The following RAPH1 variants were observed in gnomAD, a reference collection of about 807,000 sequenced individuals.
RAPH1 encodes the protein Ras association (RalGDS/AF-6) and pleckstrin homology domains 1.
A neutral mutation model predicts 88.1 loss-of-function variants in RAPH1; 18 were observed. The ratio of observed to expected loss-of-function variants is 0.20; its 90% CI spans 0.14 to 0.30. The LOEUF is 0.30. Ranked by LOEUF, RAPH1 falls within the 10% of genes least tolerant of loss-of-function variation. RAPH1 has a pLI of 1.00. For missense variants in RAPH1, 1,448 were observed against 1,543.2 expected, an observed-to-expected ratio of 0.94 and a Z score of 1.03; for synonymous variants, 587 against 559.0, an observed-to-expected ratio of 1.05 and a Z score of -0.71.
At chr2:203,478,269 C>T (rs749812931) in intron 4 of RAPH1, among the ~76,000 whole-genome samples, 6 of 152,100 alleles carry the variant, frequency 3.9e-5, no homozygotes, top group South Asian at 2.1e-4. Context: ...CTCCTGACCT[C>T]GTGATCCGCC....
chr2:203,461,907 A>G lies in RAPH1; in HGVS notation c.751T>C (p.Leu251=), dbSNP rs762820457. The G allele has an allele frequency of 1.3e-5, 21 of 1,608,900 alleles. No individual in the cohort carries two copies. The highest frequency in any genetic ancestry group is 3.4e-5 in the Admixed American group (2 of 59,336). The change falls in exon 5 of 14, where the codon TTG becomes CTG. Residue 251 remains leucine, a synonymous_variant. Transcript: ENST00000319170. Reference sequence around the variant, plus strand: ...GCAACTCTGATCTTCTCAGCTTTCAATTTTGCTGCCTGTTCTTCCTGTGAA... The same window carrying G: ...GCAACTCTGATCTTCTCAGCTTTCAGTTTTGCTGCCTGTTCTTCCTGTGAA... ...PITEEEQAAK[L]KAEKIRVALE...
chr2:203,508,537 T>C (rs548531074), intron 1 of RAPH1, among the ~76,000 whole-genome samples: 2 of 152,158 alleles, frequency 1.3e-5, no homozygotes, highest in Non-Finnish European at 2.9e-5. Context: ...TATACCCAAA[T>C]CATGCATACT....
intron 1 of RAPH1, among the ~76,000 whole-genome samples, chr2:203,527,715 G>A (rs141424606): frequency 1.1e-3 from 158 of 148,800 alleles, no homozygotes; most frequent in African/African-American, 3.8e-3. Context: ...CAGGAGAATC[G>A]CTTGAACCCG....
rs1228112734 is a variant in RAPH1 at position 203,454,441 on chromosome 2, G to C, written c.1402C>G (p.Leu468Val). 47 of 1,607,670 alleles carry C rather than the reference G, an allele frequency of 2.9e-5. No homozygotes were observed. Among genetic ancestry groups the C allele is most frequent in the Non-Finnish European group, 4.0e-5 (47 of 1,175,140 alleles). The change falls in exon 10 of 14, where the codon CTG becomes GTG. Residue 468 changes from leucine (L) to valine (V), a missense_variant. By Grantham distance (32) the Leu-to-Val change is conservative. Transcript: ENST00000319170. ...AAATATGTGTTTACCTTCAGCACCA[G>C]ACAATAGTCTGTAGGTGCTTTGTAT... ...NKYKAPTDYC[L>V]VLKHPQIQKK...
chr2:203,498,223 T>C (rs1000204160), intron 1 of RAPH1, among the ~76,000 whole-genome samples: 1 of 152,228 alleles, frequency 6.6e-6, no homozygotes, highest in African/African-American at 2.4e-5. Context: ...TATGTCACTA[T>C]TGGCAGAAAC....
chr2:203,495,344 G>C lies in RAPH1; in HGVS notation c.10C>G (p.Leu4Val). MEQ[L>V]SDEEIDHGAE... ...CCATGATCAATTTCTTCATCTGATA[G>C]CTGCTCCATCTGAAATACAGACATT... is the stretch of plus-strand genomic sequence containing the variant. The change falls in exon 2 of 14, where the codon CTA (leucine) becomes GTA (valine). Residue 4 changes from leucine (L) to valine (V), a missense_variant. Leu to Val is a conservative substitution (Grantham distance 32). This residue lies in a region of RAPH1 where 513 missense variants were observed against 653.1 expected (regional missense o/e 0.79). Coordinates refer to ENST00000319170, the MANE Select transcript of RAPH1 (RefSeq NM_213589.3). The C allele has an allele frequency of 6.2e-7, 1 of 1,613,944 alleles. No individual in the cohort carries two copies. Among genetic ancestry groups the C allele is most frequent in the Non-Finnish European group, 8.5e-7 (1 of 1,179,944 alleles).
chr2:203,501,699 C>A (rs1390270310), intron 1 of RAPH1, among the ~76,000 whole-genome samples: 2 of 151,626 alleles, frequency 1.3e-5, no homozygotes, highest in African/African-American at 2.4e-5. Context: ...ATATCCATCA[C>A]TGAAGTTTCC....
At chr2:203,492,889 T>G (rs555483758) in intron 2 of RAPH1, among the ~76,000 whole-genome samples, 1 of 151,912 alleles carries the variant, frequency 6.6e-6, no homozygotes, top group African/African-American at 2.4e-5. Context: ...TCCAGAAAAA[T>G]GCACATACAT....
chr2:203,510,202 G>A (rs911739510), intron 1 of RAPH1, among the ~76,000 whole-genome samples: 10 of 151,752 alleles, frequency 6.6e-5, no homozygotes, highest in East Asian at 5.8e-4. Flanking sequence ...TAATACTGTC[G>A]GCGCCTGCCT....
At chr2:203,505,849 GCACA>G (rs147598208) in intron 1 of RAPH1, among the ~76,000 whole-genome samples, 4 of 151,498 alleles carry the variant, frequency 2.6e-5, no homozygotes, top group African/African-American at 9.7e-5. Flanking sequence ...GCGCGCGCAC[GCACA>G]CACACACACG....
chr2:203,456,176 C>G (rs986413292), intron 8 of RAPH1, among the ~76,000 whole-genome samples: 12 of 152,140 alleles, frequency 7.9e-5, no homozygotes, highest in Admixed American at 5.9e-4. Context: ...TTAACTAAAA[C>G]ACTGTTTCGG....
In RAPH1 at chr2:203,440,549, G is replaced by C; in HGVS notation, c.2641C>G (p.Gln881Glu). The C allele has an allele frequency of 6.5e-7, 1 of 1,546,356 alleles. No homozygotes were observed. The highest frequency in any genetic ancestry group is 8.7e-7 in the Non-Finnish European group (1 of 1,146,820). Residue 881 changes from glutamine (Q) to glutamate (E), a missense_variant, in exon 14 of 14, where the codon CAG (glutamine) becomes GAG (glutamate). Physicochemically the swap from Gln to Glu is conservative, Grantham distance 29 (BLOSUM62 2). Transcript: ENST00000319170. ...TTTGCTGGGACAGGCTTTAAGGGCT[G>C]AGATTCCATGGCAGGGGGAGTTGGA... ...PPPTPPAMES[Q>E]PLKPVPANVA...
chr2:203,485,823 TG>T (rs1484870008), intron 4 of RAPH1, among the ~76,000 whole-genome samples: 1 of 152,134 alleles, frequency 6.6e-6, no homozygotes, highest in Non-Finnish European at 1.5e-5. Context: ...AGGCCAGGGA[TG>T]CTGCTAAACA....
intron 2 of RAPH1, among the ~76,000 whole-genome samples, chr2:203,494,702 G>A (rs145616235): frequency 0.095 from 14,348 of 151,620 alleles, 780 homozygotes; most frequent in Admixed American, 0.12. Context: ...CCAGCTACTC[G>A]GGAGGCTGAG....
chr2:203,485,401 ACT>A (rs1211999452), intron 4 of RAPH1, among the ~76,000 whole-genome samples: 1 of 119,730 alleles, frequency 8.4e-6, no homozygotes, highest in Non-Finnish European at 1.7e-5. Flanking sequence ...ACAGAGTGAG[ACT>A]CTGTCTCAAA....
At chr2:203,523,380 G>A (rs1223172218) in intron 1 of RAPH1, among the ~76,000 whole-genome samples, 5 of 146,348 alleles carry the variant, frequency 3.4e-5, no homozygotes, top group Non-Finnish European at 6.0e-5. Context: ...GTGAAAGAGC[G>A]AGACTCTGTC....
At chr2:203,451,455 A>G (rs2153637731) in intron 10 of RAPH1, among the ~76,000 whole-genome samples, 1 of 152,304 alleles carries the variant, frequency 6.6e-6, no homozygotes, top group Non-Finnish European at 1.5e-5. Flanking sequence ...ACTATTTCAT[A>G]CTACTGCCTT....
chr2:203,457,764 T>C (rs779049430), intron 7 of RAPH1, among the ~76,000 whole-genome samples, 169 bp from the exon 8 acceptor site: 1 of 152,228 alleles, frequency 6.6e-6, no homozygotes, highest in Non-Finnish European at 1.5e-5. Context: ...AAAAGTTACC[T>C]GTGTATGGGC....
At chr2:203,479,842 G>T (rs1030573437) in intron 4 of RAPH1, among the ~76,000 whole-genome samples, 4 of 152,044 alleles carry the variant, frequency 2.6e-5, no homozygotes, top group African/African-American at 9.7e-5. Context: ...TTAATATGAG[G>T]TCTATTTCCA....
Sources: gnomAD v4.1 joint callset for allele counts (sites outside exome capture counted in the v4.1 genomes callset) on GRCh38, gnomAD v4.1.1 for gene constraint, gnomAD v4.1.1 regional missense constraint, MANE v1.5 for transcripts, NCBI Gene and HGNC (gene_info 2026-07-23, HGNC 2026-07-21) for gene names.